WARS2: variants seen among roughly 807,000 people sequenced by gnomAD.
The protein encoded by WARS2 is tryptophanyl tRNA synthetase 2, mitochondrial, also known as tryptophan--tRNA ligase, mitochondrial.
Under a neutral mutation model 36.5 loss-of-function variants are expected in WARS2, and 28 were observed. That is an observed-to-expected ratio of 0.77 (90% CI 0.57 to 1.05). The LOEUF (loss-of-function observed/expected upper bound fraction) is 1.05, where lower values mean the gene tolerates loss of function less well. WARS2 is among the 50% of genes least tolerant of loss of function. WARS2 has a pLI of 0.00. For synonymous variants in WARS2, 174 were observed against 178.4 expected (o/e 0.98, Z 0.20); for missense variants, 435 against 456.8 (o/e 0.95, Z 0.44).
At chr1:119,122,629 T>C (rs587655278) in intron 1 of WARS2, among the ~76,000 whole-genome samples, 9 of 152,114 alleles carry the variant, frequency 5.9e-5, no homozygotes, top group African/African-American at 2.2e-4. Context: ...ATTGCAAAAA[T>C]ATGGAACCAG....
Position 119,127,139 on chromosome 1 carries a change from C to T in WARS2, c.90+13416G>A, listed in dbSNP as rs957294579. ...CAGATGCAATTTTGATTCCTTGGGT[C>T]CTGGTGACTAGCATCTTTCCAGTAT... On this transcript the variant is annotated intron_variant, in intron 1 of 5. Coordinates refer to ENST00000235521, the MANE Select transcript of WARS2 (RefSeq NM_015836.4). 2.7e-5 allele frequency: 20 copies of T among 729,670 alleles called. No individual in the cohort carries two copies. The East Asian group carries it at 4.8e-4, about 17-fold the overall frequency. The allele number at this position is 729,670 out of a possible 1,614,324, so 45.2% of individuals were successfully genotyped here.
intron 1 of WARS2, among the ~76,000 whole-genome samples, chr1:119,094,932 T>C (rs924645084): frequency 4.6e-5 from 7 of 152,144 alleles, no homozygotes; most frequent in Non-Finnish European, 1.0e-4. Context: ...CATCAGCCAA[T>C]CATTAATTCA....
chr1:119,080,872 C>T (rs1040676802), intron 1 of WARS2, among the ~76,000 whole-genome samples: 1 of 152,200 alleles, frequency 6.6e-6, no homozygotes, highest in Non-Finnish European at 1.5e-5. Context: ...CAGCTTCTAG[C>T]CTAGCCCACA....
intron 2 of WARS2, chr1:119,063,098 T>C (rs1275449281): frequency 6.6e-6 from 1 of 152,550 alleles, no homozygotes; most frequent in Non-Finnish European, 1.5e-5. Flanking sequence ...TGGACAATAA[T>C]GTACAGACTG....
chr1:119,077,560 A>C (rs1038035174), intron 1 of WARS2, among the ~76,000 whole-genome samples: 6 of 152,180 alleles, frequency 3.9e-5, no homozygotes, highest in African/African-American at 1.4e-4. Context: ...TTACTTCTTA[A>C]TAAGGTTATT....
At chr1:119,113,668 G>A (rs1654791538) in intron 1 of WARS2, among the ~76,000 whole-genome samples, 1 of 152,110 alleles carries the variant, frequency 6.6e-6, no homozygotes, top group African/African-American at 2.4e-5. Flanking sequence ...TTATGTGCTG[G>A]TAAGACAAAA....
intron 1 of WARS2, among the ~76,000 whole-genome samples, chr1:119,130,390 G>C (rs1327644365): frequency 6.6e-6 from 1 of 152,126 alleles, no homozygotes; most frequent in Non-Finnish European, 1.5e-5. Context: ...ATAATATAAA[G>C]AGGTGGCAAA....
At chr1:119,108,868 T>C (rs1654423191) in intron 1 of WARS2, among the ~76,000 whole-genome samples, 1 of 152,010 alleles carries the variant, frequency 6.6e-6, no homozygotes, top group Non-Finnish European at 1.5e-5. Context: ...TAATTTTCCC[T>C]CTAAGCACTG....
chr1:119,046,337 A>G (rs1357968784), intron 2 of WARS2, among the ~76,000 whole-genome samples: 4 of 130,764 alleles, frequency 3.1e-5, no homozygotes, highest in African/African-American at 5.7e-5. Flanking sequence ...GCAAGAAAAT[A>G]TAAACTTTCC....
At chr1:119,082,328 T>G in intron 1 of WARS2, 1 of 985,428 alleles carries the variant, frequency 1.0e-6, no homozygotes. Context: ...TCCTTACACG[T>G]GCTGTACCTA....
chr1:119,090,988 G>A lies in WARS2; in HGVS notation c.91-14381C>T, dbSNP rs1250528556. On this transcript the variant is annotated intron_variant, in intron 1 of 5. Coordinates refer to ENST00000235521, the MANE Select transcript of WARS2 (RefSeq NM_015836.4). ...GAGTCTCATACTAACAGGAATGTTGGTTATTACCATTTTCATTTTAAATAA... is the reference window on the plus strand; with the variant it reads ...GAGTCTCATACTAACAGGAATGTTGATTATTACCATTTTCATTTTAAATAA... 2.6e-5 allele frequency among the ~76,000 whole-genome samples: 4 copies of A among 152,148 alleles called. 1 individual carries two copies. The highest frequency in any genetic ancestry group is 1.3e-4 in the Admixed American group (2 of 15,274).
intron 2 of WARS2, among the ~76,000 whole-genome samples, chr1:119,071,167 G>A (rs755653218): frequency 9.9e-5 from 15 of 152,022 alleles, no homozygotes; most frequent in East Asian, 3.9e-4. Context: ...GCGAGATTCC[G>A]TCTAAAAAAA....
intron 2 of WARS2, among the ~76,000 whole-genome samples, chr1:119,075,534 T>C (rs1262421731): frequency 1.3e-5 from 2 of 152,170 alleles, no homozygotes; most frequent in Non-Finnish European, 2.9e-5. Flanking sequence ...AAAACATATA[T>C]AAAAATAATG....
intron 2 of WARS2, among the ~76,000 whole-genome samples, chr1:119,060,008 T>G (rs1032197437): frequency 2.0e-5 from 3 of 152,176 alleles, no homozygotes; most frequent in Non-Finnish European, 4.4e-5. Flanking sequence ...ACCTGGGTGA[T>G]GAAATAATCT....
chr1:119,092,531 C>T (rs1437300333), intron 1 of WARS2, among the ~76,000 whole-genome samples: 1 of 152,188 alleles, frequency 6.6e-6, no homozygotes. Flanking sequence ...GGTCAACTCT[C>T]CCCGATTCTG....
intron 1 of WARS2, among the ~76,000 whole-genome samples, chr1:119,107,571 T>A (rs138112320): frequency 5.3e-4 from 81 of 152,188 alleles, no homozygotes; most frequent in African/African-American, 1.7e-3. Flanking sequence ...TAAATATATA[T>A]ACAGTCAACT....
At chr1:119,109,297 C>T (rs1313327850) in intron 1 of WARS2, among the ~76,000 whole-genome samples, 4 of 151,844 alleles carry the variant, frequency 2.6e-5, no homozygotes, top group Non-Finnish European at 5.9e-5. Flanking sequence ...CTCCATTTCT[C>T]CAACTATAAG....
chr1:119,053,131 AAATC>A (rs1438376595), intron 2 of WARS2, among the ~76,000 whole-genome samples: 1 of 152,220 alleles, frequency 6.6e-6, no homozygotes. Flanking sequence ...CTCCCAGGCC[AAATC>A]TGGCCTGTGG....
Position 119,033,431 on chromosome 1 carries a change from C to A in WARS2, c.635-72G>T, listed in dbSNP as rs777735461. On this transcript the variant is annotated intron_variant, in intron 5 of 5. Coordinates refer to ENST00000235521, the MANE Select transcript of WARS2 (RefSeq NM_015836.4). ...CAAACAGATCACCAAGATGTACACA[C>A]AGACAGTTCCCAACTTGCAATGGTT... The A allele has an allele frequency of 2.3e-5, 36 of 1,565,438 alleles. No individual in the cohort carries two copies. The East Asian group carries it at 7.6e-4, about 33-fold the overall frequency.
Sources: gnomAD v4.1 joint callset for allele counts (sites outside exome capture counted in the v4.1 genomes callset) on GRCh38, gnomAD v4.1.1 for gene constraint, MANE v1.5 for transcripts, NCBI Gene and HGNC (gene_info 2026-07-23, HGNC 2026-07-21) for gene names.